Variants in ARFGEF3 observed in about 807,000 individuals in gnomAD.
ARFGEF3 encodes ARFGEF family member 3.
Under a neutral mutation model 221.7 loss-of-function variants are expected in ARFGEF3, and 96 were observed. The ratio of observed to expected loss-of-function variants is 0.43; its 90% CI spans 0.37 to 0.51. ARFGEF3 has a LOEUF of 0.51. Among genes scored for constraint, ARFGEF3 ranks in the 20% least tolerant of loss-of-function variants. The pLI, the probability that ARFGEF3 is intolerant of heterozygous loss-of-function variation, is 0.00. For synonymous variants in ARFGEF3, 1,145 were observed against 1,126.8 expected (o/e 1.02, Z -0.32); for missense variants, 2,410 against 2,789.9 (o/e 0.86, Z 3.07).
chr6:138,276,809 G>T (rs1458337826), intron 12 of ARFGEF3, among the ~76,000 whole-genome samples: 1 of 152,172 alleles, frequency 6.6e-6, no homozygotes, highest in Non-Finnish European at 1.5e-5. Flanking sequence ...GGGACTACAG[G>T]CATGCGCCAC....
chr6:138,182,998 A>T (rs1777108995), intron 2 of ARFGEF3, among the ~76,000 whole-genome samples: 2 of 152,166 alleles, frequency 1.3e-5, no homozygotes. Flanking sequence ...TTTATTTTAT[A>T]AATCCTATTT....
chr6:138,313,278 C>T (rs555973098), intron 25 of ARFGEF3, among the ~76,000 whole-genome samples: 2 of 152,186 alleles, frequency 1.3e-5, no homozygotes, highest in Admixed American at 1.3e-4. Context: ...GAACCCAGGC[C>T]ACTCTGCTGG....
In ARFGEF3 at chr6:138,229,849, G is replaced by C. The variant is rs563084151; in HGVS notation, c.417G>C (p.Ala139=). Residue 139 remains alanine (A), a synonymous_variant, in exon 5 of 34, where the codon GCG becomes GCC. Coordinates refer to ENST00000251691, the MANE Select transcript of ARFGEF3 (RefSeq NM_020340.5). ...DLNGSAVLKI[A]EVCIETYISS... is the part of the protein sequence containing the mutation. ...ATGGGAGTGCCGTGCTGAAGATCGC[G>C]GAGGTGAGTACTGCTTGTGTCTGTG... is the stretch of plus-strand genomic sequence containing the variant. 1.9e-6 allele frequency: 3 copies of C among 1,613,224 alleles called. No individual in the cohort carries two copies. The highest frequency in any genetic ancestry group is 2.5e-6 in the Non-Finnish European group (3 of 1,179,326).
chr6:138,307,481 A>C, intron 23 of ARFGEF3, 84 bp downstream of exon 23: 2 of 1,236,548 alleles, frequency 1.6e-6, no homozygotes, highest in Non-Finnish European at 1.2e-6. Context: ...AAATTGAACA[A>C]TAGGGAAGAC....
chr6:138,307,125 T>A, intron 22 of ARFGEF3, 128 bp from the exon 23 acceptor site: 1 of 879,836 alleles, frequency 1.1e-6, no homozygotes, highest in East Asian at 2.4e-5. Flanking sequence ...TGAGTTTGTC[T>A]ATTCTGGTTT....
chr6:138,162,186 C>T lies in ARFGEF3; in HGVS notation c.85+15C>T. On this transcript the variant is annotated intron_variant, in intron 1 of 33. Coordinates refer to ENST00000251691, the MANE Select transcript of ARFGEF3 (RefSeq NM_020340.5). This position sits in a 1 kb window ranked among gnomAD's most constrained non-coding sequence, Gnocchi z 4.7. ...CTGGGCCCTGGGTAAGCGTCCGGCA[C>T]CTGCTCGCCGCGGCGGGAGGGCCGC... is the stretch of plus-strand genomic sequence containing the variant. The T allele has an allele frequency of 6.3e-7, 1 of 1,588,558 alleles. No homozygotes were observed. The highest frequency in any genetic ancestry group is 8.6e-7 in the Non-Finnish European group (1 of 1,165,720).
intron 2 of ARFGEF3, among the ~76,000 whole-genome samples, chr6:138,186,890 C>T (rs1030157010): frequency 6.9e-6 from 1 of 144,732 alleles, no homozygotes; most frequent in Non-Finnish European, 1.5e-5. Context: ...AGTTATTCCT[C>T]TCATCCTTTT....
At chr6:138,320,235 G>C (rs1333198048) in intron 28 of ARFGEF3, among the ~76,000 whole-genome samples, 4 of 152,204 alleles carry the variant, frequency 2.6e-5, no homozygotes, top group South Asian at 2.1e-4. Flanking sequence ...AGCCTGTGGG[G>C]GGGTAGCGGG....
At chr6:138,300,556 T>C (rs1039989304) in intron 22 of ARFGEF3, among the ~76,000 whole-genome samples, 16 of 152,218 alleles carry the variant, frequency 1.1e-4, no homozygotes, top group Admixed American at 6.5e-4. Context: ...GTAGTCTTCC[T>C]GGTATTTGAG....
chr6:138,233,348 T>A (rs1778226760), intron 5 of ARFGEF3, among the ~76,000 whole-genome samples: 1 of 151,464 alleles, frequency 6.6e-6, no homozygotes, highest in Admixed American at 6.6e-5. Context: ...ATTGGGCTGG[T>A]TTATAGCTCT....
intron 4 of ARFGEF3, among the ~76,000 whole-genome samples, chr6:138,211,222 A>G (rs1394861146): frequency 1.3e-5 from 2 of 152,214 alleles, no homozygotes; most frequent in Admixed American, 6.5e-5. Context: ...ATATATCACT[A>G]CTTGTACCAC....
At position 138,245,517 on chromosome 6, in the gene ARFGEF3, A is replaced by G; in HGVS notation, c.591A>G (p.Ser197=). Residue 197 remains serine (S), a synonymous_variant, in exon 8 of 34, where the codon TCA becomes TCG. Coordinates refer to ENST00000251691, the MANE Select transcript of ARFGEF3 (RefSeq NM_020340.5). The stretch of plus-strand genomic sequence containing the variant: ...GTAACCTCCTCTGTTTTGAAGGGTC[A>G]ACAGTAGAGTCCCTCTGTGATGATG... The part of the protein sequence containing the change: ...DVPQDFGNQG[S]TVESLCDDVV... 1 of 1,610,236 alleles carries G rather than the reference A, an allele frequency of 6.2e-7. No individual in the cohort carries two copies. The highest frequency in any genetic ancestry group is 1.1e-5 in the South Asian group (1 of 89,954).
intron 22 of ARFGEF3, among the ~76,000 whole-genome samples, chr6:138,301,579 T>C (rs1779629611): frequency 6.6e-6 from 1 of 152,174 alleles, no homozygotes; most frequent in African/African-American, 2.4e-5. Context: ...AGTAGTGTAC[T>C]AGCAAGAAAT....
rs930448949 is a variant in ARFGEF3 at position 138,338,856 on chromosome 6, T to C, written c.*2370T>C. 6.6e-6 allele frequency: 1 copy of C among 152,090 alleles called. No individual in the cohort carries two copies. The highest frequency in any genetic ancestry group is 1.5e-5 in the Non-Finnish European group (1 of 68,074). 9.4% of individuals were successfully genotyped at this position (152,090 alleles called of 1,614,324 possible). The stretch of plus-strand genomic sequence containing the variant: ...ATCCCAAAGTATGTTAGTTGTTTGT[T>C]TGGAAATCAGCATTCTCCCCGATGC... On this transcript the variant is annotated 3_prime_UTR_variant, in exon 34 of 34. Coordinates refer to ENST00000251691, the MANE Select transcript of ARFGEF3 (RefSeq NM_020340.5).
intron 33 of ARFGEF3, 34 bp downstream of exon 33, chr6:138,335,222 G>A: frequency 6.7e-7 from 1 of 1,496,734 alleles, no homozygotes; most frequent in Non-Finnish European, 8.8e-7. Flanking sequence ...GTGGGCGGGA[G>A]GCTGGGTTTC....
At position 138,334,791 on chromosome 6, in the gene ARFGEF3, G is replaced by A. The variant is rs1562220465; in HGVS notation, c.5945G>A (p.Gly1982Asp). Residue 1982 changes from glycine (G) to aspartate (D), a missense_variant, in exon 33 of 34, where the codon GGT (glycine) becomes GAT (aspartate). Physicochemically the swap from Gly to Asp is moderately conservative, Grantham distance 94 (BLOSUM62 -1). This residue lies in a region of ARFGEF3 where 339 missense variants were observed against 334.9 expected (regional missense o/e 1.01). Transcript: ENST00000251691. The surrounding 1 kb of genome is among the most constrained non-coding windows in gnomAD (Gnocchi z 5.1). ...HMGESLSLKA[G>D]GGDLLLPPSP... is the part of the protein sequence containing the mutation. ...GGCGAGTCCCTGAGCCTGAAGGCCG[G>A]TGGTGGGGACCTGCTGCTGCCCCCC... 5 of 1,606,726 alleles carry A rather than the reference G, an allele frequency of 3.1e-6. No individual in the cohort carries two copies. Among genetic ancestry groups the A allele is most frequent in the African/African-American group, 2.7e-5 (2 of 74,664 alleles).
rs1583076619 is a variant in ARFGEF3, at chr6:138,341,229, C to T, written c.*4743C>T. ...TCTTTACTTGCTTCTCTGGGAAATA[C>T]ATGGTACTAAATTAGTAGCACAAAG... On this transcript the variant is annotated 3_prime_UTR_variant, in exon 34 of 34. Coordinates refer to ENST00000251691, the MANE Select transcript of ARFGEF3 (RefSeq NM_020340.5). 1 of 154,438 alleles carries T rather than the reference C, an allele frequency of 6.5e-6. No individual in the cohort carries two copies. The highest frequency in any genetic ancestry group is 1.5e-5 in the Non-Finnish European group (1 of 68,228). The allele number at this position is 154,438 out of a possible 1,614,324, so 9.6% of individuals were successfully genotyped here.
rs568119231 is a variant in ARFGEF3 at position 138,199,568 on chromosome 6, G to A, written c.138-7474G>A. On this transcript the variant is annotated intron_variant, in intron 2 of 33. Transcript: ENST00000251691. Reference sequence around the variant, plus strand: ...TGATTTCTTTCAGTAGTGTTTTGTAGTTTCCCTTGTAGAGATCTTTCAACT... The same window carrying A: ...TGATTTCTTTCAGTAGTGTTTTGTAATTTCCCTTGTAGAGATCTTTCAACT... Among the ~76,000 whole-genome samples, 3 of 152,258 alleles carry A rather than the reference G, an allele frequency of 2.0e-5. No individual in the cohort carries two copies. In the South Asian group the frequency reaches 6.2e-4, roughly 32 times the overall value.
intron 2 of ARFGEF3, among the ~76,000 whole-genome samples, chr6:138,202,775 T>C (rs113835639): frequency 7.2e-4 from 109 of 152,090 alleles, no homozygotes; most frequent in African/African-American, 2.6e-3. Flanking sequence ...TACTTTGCAA[T>C]AAATAGCACT....
Sources: allele counts gnomAD v4.1 joint callset (sites outside exome capture counted in the v4.1 genomes callset), GRCh38; gene constraint gnomAD v4.1.1; regional missense constraint gnomAD v4.1.1; non-coding constraint Gnocchi (gnomAD v3.1); transcripts MANE v1.5; gene names NCBI Gene and HGNC (gene_info 2026-07-23, HGNC 2026-07-21).